Variants in HACL1 observed in about 807,000 individuals in gnomAD.
HACL1 encodes the protein 1600020H07Rik.
In HACL1, 64 loss-of-function variants were observed where a neutral mutation model predicts 74.2. That is an observed-to-expected ratio of 0.86 (90% CI 0.70 to 1.06). HACL1 has a LOEUF of 1.06. Ranked by LOEUF, HACL1 falls within the 50% of genes least tolerant of loss-of-function variation. The probability of loss-of-function intolerance (pLI) is 0.00; values close to 1 mark genes in which losing one functional copy is unlikely to be tolerated. For missense variants in HACL1, 728 were observed against 719.7 expected (o/e 1.01, Z -0.13); for synonymous variants, 230 against 238.8 (o/e 0.96, Z 0.34).
chr3:15,578,090 T>A (rs1401721733), intron 9 of HACL1, among the ~76,000 whole-genome samples: 4 of 98,358 alleles, frequency 4.1e-5, no homozygotes, highest in South Asian at 3.3e-4. Flanking sequence ...AGAGCAAGAC[T>A]CCGTCTCAAA....
chr3:15,591,103 A>G (rs1371465811), intron 4 of HACL1, among the ~76,000 whole-genome samples: 1 of 152,222 alleles, frequency 6.6e-6, no homozygotes, highest in African/African-American at 2.4e-5. Flanking sequence ...TTTATCTCTA[A>G]GTAACTAAAT....
At chr3:15,571,851 T>TTTTTTTTTTTA (rs2063541563) in intron 11 of HACL1, 82 bp from the exon 12 acceptor site, 1 of 625,964 alleles carries the variant, frequency 1.6e-6, no homozygotes, top group African/African-American at 2.2e-5. Context: ...TTTTTTTTTT[T>TTTTTTTTTTTA]TTTTTTGAGA....
intron 2 of HACL1, among the ~76,000 whole-genome samples, chr3:15,598,232 G>A (rs1347400228): frequency 6.6e-6 from 1 of 152,054 alleles, no homozygotes; most frequent in Non-Finnish European, 1.5e-5. Context: ...TGTTGGTCAG[G>A]CTGGTCTCAA....
At chr3:15,589,158 T>C (rs1428188627) in intron 5 of HACL1, among the ~76,000 whole-genome samples, 1 of 152,174 alleles carries the variant, frequency 6.6e-6, no homozygotes, top group East Asian at 1.9e-4. Context: ...TTTTATATCT[T>C]CTCTCTACCT....
chr3:15,569,425 C>T (rs532860196), intron 12 of HACL1, among the ~76,000 whole-genome samples: 1 of 152,322 alleles, frequency 6.6e-6, no homozygotes, highest in South Asian at 2.1e-4. Context: ...GTAGCTCACG[C>T]CTGTAATCCC....
chr3:15,585,229 C>A lies in HACL1; in HGVS notation c.554+19G>T. On this transcript the variant is annotated intron_variant, in intron 7 of 16. Transcript: ENST00000321169. The stretch of plus-strand genomic sequence containing the variant: ...TACATGTACATTGAAGAAAGAATTC[C>A]AGCATAACTATTACTCACTTTATAG... 1 of 1,199,812 alleles carries A rather than the reference C, an allele frequency of 8.3e-7. No individual in the cohort carries two copies. The highest frequency in any genetic ancestry group is 1.9e-4 in the Middle Eastern group (1 of 5,292). 74.3% of individuals were successfully genotyped at this position (1,199,812 alleles called of 1,614,324 possible). A position where few individuals can be genotyped will look rare whatever the true frequency, so the allele number is the denominator to read the frequency against.
chr3:15,592,517 T>A (rs1299103115), intron 3 of HACL1, among the ~76,000 whole-genome samples: 1 of 146,520 alleles, frequency 6.8e-6, no homozygotes, highest in East Asian at 2.0e-4. Flanking sequence ...TATACACTTG[T>A]ATACATATAC....
chr3:15,571,829 C>CTTTTTTTTTTTTTTTTTTTTTTT, intron 11 of HACL1, 60 bp from the exon 12 acceptor site: 1 of 193,682 alleles, frequency 5.2e-6, no homozygotes, highest in Non-Finnish European at 9.2e-6. Flanking sequence ...CCTTTTTTTT[C>CTTTTTTTTTTTTTTTTTTTTTTT]TTTTTTTTTT....
At position 15,560,833 on chromosome 3, in the gene HACL1, G is replaced by A; in HGVS notation, c.*32C>T. 6.6e-7 allele frequency: 1 copy of A among 1,513,758 alleles called. No homozygotes were observed. The highest frequency in any genetic ancestry group is 2.3e-5 in the East Asian group (1 of 44,372). The allele number at this position is 1,513,758 out of a possible 1,614,324, so 93.8% of individuals were successfully genotyped here. ...ATAAAATTTCATCTTGCAAGAAAGA[G>A]AAAACTCAAGACCACCAACTGGCGT... On this transcript the variant is annotated 3_prime_UTR_variant, in exon 17 of 17. Coordinates refer to ENST00000321169, the MANE Select transcript of HACL1 (RefSeq NM_012260.4).
At chr3:15,592,107 A>G (rs181446274) in intron 3 of HACL1, among the ~76,000 whole-genome samples, 94 of 139,240 alleles carry the variant, frequency 6.8e-4, no homozygotes, top group Middle Eastern at 7.7e-3. Flanking sequence ...ATATACGTAT[A>G]TATACACACT....
At chr3:15,580,849 G>T (rs867542115) in intron 8 of HACL1, among the ~76,000 whole-genome samples, 40 of 152,174 alleles carry the variant, frequency 2.6e-4, no homozygotes, top group African/African-American at 9.2e-4. Context: ...CTTTCTACAG[G>T]CTCTGTAATT....
intron 16 of HACL1, 63 bp downstream of exon 16, chr3:15,563,295 T>G: frequency 1.8e-6 from 2 of 1,126,328 alleles, no homozygotes. Flanking sequence ...TGGTAGATAC[T>G]TTTTGGAGGG....
chr3:15,567,778 T>A lies in HACL1; in HGVS notation c.1409+66A>T. 9 of 1,417,688 alleles carry A rather than the reference T, an allele frequency of 6.3e-6. No individual in the cohort carries two copies. The South Asian group carries it at 9.3e-5, about 15-fold the overall frequency. 87.8% of individuals were successfully genotyped at this position (1,417,688 alleles called of 1,614,324 possible). ...GCTTCATAAGTATTTGTCAGGTGAC[T>A]GGGTCTTGTGTGTCATTTTTCATAT... On this transcript the variant is annotated intron_variant, in intron 14 of 16. Coordinates refer to ENST00000321169, the MANE Select transcript of HACL1 (RefSeq NM_012260.4).
chr3:15,576,653 A>C (rs1309008327), intron 9 of HACL1, among the ~76,000 whole-genome samples: 2 of 152,102 alleles, frequency 1.3e-5, no homozygotes, highest in African/African-American at 4.8e-5. Flanking sequence ...GCCTTTTTCC[A>C]GGAGAGTTTA....
At chr3:15,591,451 C>T in intron 4 of HACL1, 149 bp downstream of exon 4, 1 of 513,088 alleles carries the variant, frequency 1.9e-6, no homozygotes, top group Non-Finnish European at 3.6e-6. Flanking sequence ...CATTCCCTCC[C>T]CGGTAACTAA....
intron 10 of HACL1, 52 bp downstream of exon 10, chr3:15,574,925 G>A (rs2134786): frequency 1.2e-6 from 1 of 802,360 alleles, no homozygotes; most frequent in South Asian, 1.5e-5. Flanking sequence ...GGCTGATAGG[G>A]AGAATAATGA....
chr3:15,569,264 T>C (rs955052638), intron 12 of HACL1, among the ~76,000 whole-genome samples: 1 of 152,102 alleles, frequency 6.6e-6, no homozygotes, highest in Non-Finnish European at 1.5e-5. Context: ...CTGGAGATTA[T>C]ACACAAGGTA....
chr3:15,592,569 T>C (rs559089500), intron 3 of HACL1, among the ~76,000 whole-genome samples: 4 of 145,654 alleles, frequency 2.7e-5, no homozygotes, highest in Non-Finnish European at 6.0e-5. Context: ...TGTATACACA[T>C]GTACGCACAT....
Position 15,573,197 on chromosome 3 carries a change from C to G in HACL1, c.955G>C (p.Val319Leu), listed in dbSNP as rs764387696. Residue 319 changes from valine to leucine, a missense_variant, in exon 11 of 17, where the codon GTT becomes CTT. Coordinates refer to ENST00000321169, the MANE Select transcript of HACL1 (RefSeq NM_012260.4). ...GCATGTATGTTTCCTAGCAAAGTAA[C>G]AGCGGGCTTTACATTATTCCCCAAT... ...EELGNNVKPA[V>L]TLLGNIHAVT... 22 of 1,611,282 alleles carry G rather than the reference C, an allele frequency of 1.4e-5. No individual in the cohort carries two copies. Among genetic ancestry groups the G allele is most frequent in the Non-Finnish European group, 1.8e-5 (21 of 1,177,698 alleles).
Sources: gnomAD v4.1 joint callset for allele counts (sites outside exome capture counted in the v4.1 genomes callset) on GRCh38, gnomAD v4.1.1 for gene constraint, MANE v1.5 for transcripts, NCBI Gene and HGNC (gene_info 2026-07-23, HGNC 2026-07-21) for gene names.